The following LRIG1 variants were observed in gnomAD, a reference collection of about 807,000 sequenced individuals.
LRIG1 encodes the protein leucine-rich repeats and immunoglobulin-like domains protein 1.
LRIG1 carries 48 observed loss-of-function variants against 99.2 expected under a neutral mutation model. The observed-to-expected ratio is 0.48, with a 90% CI of 0.38 to 0.62. The LOEUF is 0.62. Among genes scored for constraint, LRIG1 ranks in the 20% least tolerant of loss-of-function variants. The probability of loss-of-function intolerance (pLI) is 0.00; values close to 1 mark genes in which losing one functional copy is unlikely to be tolerated. For missense variants in LRIG1, 1,646 were observed against 1,434.4 expected (o/e 1.15, Z -2.38); for synonymous variants, 772 against 596.1 (o/e 1.29, Z -4.30).
At position 66,490,611 on chromosome 3, in the gene LRIG1, A is replaced by C. The variant is rs528769726; in HGVS notation, c.218+9579T>G. Among the ~76,000 whole-genome samples, 40 of 150,102 alleles carry C rather than the reference A, an allele frequency of 2.7e-4. No homozygotes were observed. In the South Asian group the frequency reaches 8.7e-3, roughly 33 times the overall value. On this transcript the variant is annotated intron_variant, in intron 1 of 18. Transcript: ENST00000273261. ...GCAGAACAGCACTTAATTTCATAGA[A>C]TCTCTCAATACTAAGCTTTTCTGCC...
chr3:66,405,789 C>T (rs1284594768), intron 8 of LRIG1: 1 of 1,189,428 alleles, frequency 8.4e-7, no homozygotes. Flanking sequence ...CCATCTCCTC[C>T]CAAGGCCTGC....
intron 1 of LRIG1, among the ~76,000 whole-genome samples, chr3:66,472,303 CAAAAAAAAAA>C (rs71105995): frequency 1.9e-4 from 12 of 63,864 alleles, no homozygotes; most frequent in Middle Eastern, 0.01. Context: ...GACTCTGTCT[CAAAAAAAAAA>C]AAAAAAAAAA....
intron 11 of LRIG1, among the ~76,000 whole-genome samples, chr3:66,397,412 G>C (rs1350530408): frequency 7.4e-6 from 1 of 134,696 alleles, no homozygotes; most frequent in Non-Finnish European, 1.5e-5. Context: ...ATCATGGCTA[G>C]AACTTACTGG....
At chr3:66,410,738 A>G (rs1470388236) in intron 6 of LRIG1, among the ~76,000 whole-genome samples, 3 of 152,360 alleles carry the variant, frequency 2.0e-5, no homozygotes. Context: ...GCAAGGGCAA[A>G]GCCCATTAAA....
Position 66,457,649 on chromosome 3 carries a change from A to G in LRIG1, c.290+4789T>C, listed in dbSNP as rs140163680. ...CAATGTGTTACGATGTCAATGTTACAGAAGAAAGAAAGCAAACGCTGAGGC... is the reference window on the plus strand; with the variant it reads ...CAATGTGTTACGATGTCAATGTTACGGAAGAAAGAAAGCAAACGCTGAGGC... On this transcript the variant is annotated intron_variant, in intron 2 of 18. Transcript: ENST00000273261. Among the ~76,000 whole-genome samples, 5 of 152,358 alleles carry G rather than the reference A, an allele frequency of 3.3e-5. No individual in the cohort carries two copies. In the East Asian group the frequency reaches 7.7e-4, roughly 24 times the overall value.
At chr3:66,427,457 A>G (rs2106731652) in intron 3 of LRIG1, among the ~76,000 whole-genome samples, 1 of 152,316 alleles carries the variant, frequency 6.6e-6, no homozygotes, top group Admixed American at 6.5e-5. Context: ...AAATGCCAAA[A>G]AACATTAACC....
chr3:66,464,026 G>A (rs189272652), intron 1 of LRIG1, among the ~76,000 whole-genome samples: 1 of 152,110 alleles, frequency 6.6e-6, no homozygotes, highest in Non-Finnish European at 1.5e-5. Context: ...TCTGTGCCTG[G>A]GGGTATTTGT....
chr3:66,406,257 C>T (rs935402533), intron 8 of LRIG1: 6 of 985,442 alleles, frequency 6.1e-6, no homozygotes, highest in Middle Eastern at 5.2e-4. Flanking sequence ...CAATGGGTTC[C>T]TTCCTATCAT....
intron 11 of LRIG1, among the ~76,000 whole-genome samples, chr3:66,396,171 A>G (rs1701841123): frequency 6.6e-6 from 1 of 152,214 alleles, no homozygotes; most frequent in Non-Finnish European, 1.5e-5. Flanking sequence ...GACTCCAGGA[A>G]GACAGTGGGT....
chr3:66,457,246 C>A (rs115347785), intron 2 of LRIG1, among the ~76,000 whole-genome samples: 4 of 152,180 alleles, frequency 2.6e-5, no homozygotes, highest in African/African-American at 9.7e-5. Context: ...ATGTCAGCTA[C>A]GATTTTTTTT....
intron 2 of LRIG1, among the ~76,000 whole-genome samples, chr3:66,457,635 G>C (rs6786631): frequency 6.6e-6 from 1 of 152,160 alleles, no homozygotes; most frequent in African/African-American, 2.4e-5. Flanking sequence ...AATGTGTTAC[G>C]ATGTCAATGT....
chr3:66,434,757 A>T (rs1703293170), intron 3 of LRIG1, among the ~76,000 whole-genome samples: 2 of 114,528 alleles, frequency 1.7e-5, no homozygotes, highest in Admixed American at 1.1e-4. Context: ...AAAAAAATTA[A>T]AAAAAAAAAA....
chr3:66,383,852 C>A, intron 14 of LRIG1, 139 bp downstream of exon 14: 1 of 1,267,570 alleles, frequency 7.9e-7, no homozygotes, highest in Non-Finnish European at 1.1e-6. Flanking sequence ...ATTAACTCAA[C>A]TCAAAAAGCA....
At chr3:66,493,904 AAAG>A (rs938117038) in intron 1 of LRIG1, among the ~76,000 whole-genome samples, 96 of 151,958 alleles carry the variant, frequency 6.3e-4, no homozygotes, top group African/African-American at 2.2e-3. Flanking sequence ...AGAAGGAAAA[AAAG>A]AAAGAAGGGA....
chr3:66,384,008 G>C lies in LRIG1; in HGVS notation c.2054C>G (p.Ala685Gly). Residue 685 changes from alanine to glycine, a missense_variant, in exon 14 of 19, where the codon GCC (alanine) becomes GGC (glycine). By Grantham distance (60) the Ala-to-Gly change is moderately conservative. Transcript: ENST00000273261. ...AGGCAAACCTAGGACAGTCAGGGTGGCATTAGCTGAAATAGAACCGGCTGA... is the reference window on the plus strand; with the variant it reads ...AGGCAAACCTAGGACAGTCAGGGTGCCATTAGCTGAAATAGAACCGGCTGA... ...QNSAGSISAN[A>G]TLTVLETPSL... 2 of 1,613,092 alleles carry C rather than the reference G, an allele frequency of 1.2e-6. No individual in the cohort carries two copies. The highest frequency in any genetic ancestry group is 1.7e-6 in the Non-Finnish European group (2 of 1,179,538).
In LRIG1 at chr3:66,410,117, G is replaced by A. The variant is rs377517332; in HGVS notation, c.935+12C>T. ...AAAAACACTGCCACAGCCCAGAGCCGAGGACACTTACAACTCATGCAGCTT... is the reference window on the plus strand; with the variant it reads ...AAAAACACTGCCACAGCCCAGAGCCAAGGACACTTACAACTCATGCAGCTT... On this transcript the variant is annotated intron_variant, in intron 7 of 18. Transcript: ENST00000273261. 620 of 1,606,298 alleles carry A rather than the reference G, an allele frequency of 3.9e-4. No homozygotes were observed. The highest frequency in any genetic ancestry group is 4.9e-4 in the Non-Finnish European group (582 of 1,176,106).
intron 3 of LRIG1, among the ~76,000 whole-genome samples, chr3:66,431,918 T>C (rs555801673): frequency 2.6e-5 from 4 of 152,068 alleles, no homozygotes; most frequent in Non-Finnish European, 4.4e-5. Flanking sequence ...AAGATACACG[T>C]AGAAAAAAAG....
At chr3:66,440,435 T>G (rs1433460417) in intron 3 of LRIG1, among the ~76,000 whole-genome samples, 1 of 152,196 alleles carries the variant, frequency 6.6e-6, no homozygotes, top group African/African-American at 2.4e-5. Context: ...GCTGCTGTCC[T>G]CAACAGCTCC....
rs577564816 is a variant in LRIG1, at chr3:66,405,281, G to T, written c.1080-3C>A. 18 of 1,612,852 alleles carry T rather than the reference G, an allele frequency of 1.1e-5. No individual in the cohort carries two copies. Among genetic ancestry groups the T allele is most frequent in the Non-Finnish European group, 1.4e-5 (17 of 1,178,954 alleles). On this transcript the variant is annotated splice_polypyrimidine_tract_variant and splice_region_variant and intron_variant, in intron 8 of 18. Transcript: ENST00000273261. ...AAATCTCGTTATGGTCCAGATCCCT[G>T]GGGAGAGGACAGAAAGCAGCTCACC...
Sources: gnomAD v4.1 joint callset for allele counts (sites outside exome capture counted in the v4.1 genomes callset) on GRCh38, gnomAD v4.1.1 for gene constraint, MANE v1.5 for transcripts, NCBI Gene and HGNC (gene_info 2026-07-23, HGNC 2026-07-21) for gene names.